Variants in DPP10 observed in about 807,000 individuals in gnomAD.
The protein encoded by DPP10 is dipeptidyl peptidase like 10.
DPP10 carries 33 observed loss-of-function variants against 120.9 expected under a neutral mutation model. That is an observed-to-expected ratio of 0.27 (90% CI 0.21 to 0.37). The LOEUF (loss-of-function observed/expected upper bound fraction) is 0.37, where lower values mean the gene tolerates loss of function less well. DPP10 is among the 10% of genes least tolerant of loss of function. DPP10 has a pLI of 1.00. For missense variants in DPP10, 816 were observed against 942.8 expected, an observed-to-expected ratio of 0.87 and a Z score of 1.76; for synonymous variants, 337 against 326.1, an observed-to-expected ratio of 1.03 and a Z score of -0.36.
intron 1 of DPP10, chr2:115,297,146 A>G (rs1366686610): frequency 5.9e-6 from 1 of 170,506 alleles, no homozygotes; most frequent in Non-Finnish European, 1.3e-5. Flanking sequence ...TGTGAGCAGC[A>G]TGAGCCTGTA....
chr2:115,288,678 T>A (rs1426233414), intron 1 of DPP10, among the ~76,000 whole-genome samples: 1 of 151,950 alleles, frequency 6.6e-6, no homozygotes, highest in African/African-American at 2.4e-5. Flanking sequence ...GCTGAGATCA[T>A]GCCACTGCAC....
intron 1 of DPP10, among the ~76,000 whole-genome samples, chr2:115,156,050 G>A (rs906766948): frequency 2.0e-5 from 3 of 152,194 alleles, no homozygotes; most frequent in African/African-American, 7.2e-5. Flanking sequence ...ATACAGATGT[G>A]TGACAGATTG....
intron 1 of DPP10, among the ~76,000 whole-genome samples, chr2:115,188,033 CAG>C (rs111670003): frequency 1.4e-5 from 2 of 142,804 alleles, no homozygotes; most frequent in African/African-American, 2.6e-5. Flanking sequence ...AACAGAGAGA[CAG>C]AGAGAGAGAG....
chr2:115,308,693 G>GTTTTTTTT (rs3068805), intron 1 of DPP10, among the ~76,000 whole-genome samples: 1 of 126,642 alleles, frequency 7.9e-6, no homozygotes. Context: ...ACTAAATCCT[G>GTTTTTTTT]TTTTTTTTTT....
chr2:115,406,773 T>C (rs1405045811), intron 3 of DPP10, among the ~76,000 whole-genome samples: 2 of 152,056 alleles, frequency 1.3e-5, no homozygotes, highest in East Asian at 3.9e-4. Flanking sequence ...CACTAGAGCT[T>C]TACAATATAT....
intron 1 of DPP10, among the ~76,000 whole-genome samples, chr2:114,468,943 A>AG (rs1364362776): frequency 6.6e-6 from 1 of 152,216 alleles, no homozygotes; most frequent in African/African-American, 2.4e-5. Context: ...AAGAAGAAGA[A>AG]GGGAAAAAAG....
Position 114,923,174 on chromosome 2 carries a change from A to AT in DPP10, c.61-386057dup, listed in dbSNP as rs368507814. ...TTTATAATTTTTTTTCCCATTCTGT[A>AT]TTTTTTTTCTTTTTTCTTTTTTTTT... is the stretch of plus-strand genomic sequence containing the variant. On this transcript the variant is annotated intron_variant, in intron 1 of 25. Coordinates refer to ENST00000410059, the MANE Select transcript of DPP10 (RefSeq NM_020868.6). Among the ~76,000 whole-genome samples, 1,467 of 147,864 alleles carry AT rather than the reference A, an allele frequency of 9.9e-3. 19 individuals carry two copies. Among genetic ancestry groups the AT allele is most frequent in the African/African-American group, 0.035 (1,414 of 40,194 alleles).
chr2:115,012,537 C>A (rs937245093), intron 1 of DPP10, among the ~76,000 whole-genome samples: 6 of 152,300 alleles, frequency 3.9e-5, no homozygotes, highest in Non-Finnish European at 8.8e-5. Flanking sequence ...CCAGTACCAG[C>A]CTGGAGCCCA....
intron 1 of DPP10, among the ~76,000 whole-genome samples, chr2:115,008,939 G>T: frequency 1.1e-5 from 1 of 91,812 alleles, no homozygotes; most frequent in East Asian, 3.3e-4. Context: ...ACAGGTGCTG[G>T]AGAGGATGTG....
chr2:115,244,239 T>TATATAGAGAGAGAG (rs1348001277), intron 1 of DPP10, among the ~76,000 whole-genome samples: 1 of 93,476 alleles, frequency 1.1e-5, no homozygotes, highest in African/African-American at 3.8e-5. Context: ...TATATATATA[T>TATATAGAGAGAGAG]AGAGAGAGAG....
intron 1 of DPP10, among the ~76,000 whole-genome samples, chr2:114,646,334 T>C (rs376384069): frequency 5.3e-5 from 8 of 151,854 alleles, no homozygotes; most frequent in African/African-American, 1.9e-4. Context: ...TGAGACAAAA[T>C]GAATGGAGAC....
intron 14 of DPP10, among the ~76,000 whole-genome samples, 169 bp downstream of exon 14, chr2:115,777,468 C>A (rs1682245619): frequency 6.6e-6 from 1 of 151,954 alleles, no homozygotes; most frequent in African/African-American, 2.4e-5. Flanking sequence ...AGACATCTTA[C>A]ACAGAGGGAT....
At chr2:115,032,192 G>GTA (rs1553474502) in intron 1 of DPP10, among the ~76,000 whole-genome samples, 2 of 150,452 alleles carry the variant, frequency 1.3e-5, no homozygotes, top group African/African-American at 4.9e-5. Context: ...AACTCTAGAA[G>GTA]TTTTTTTTTT....
chr2:115,307,217 A>C (rs1215272476), intron 1 of DPP10, among the ~76,000 whole-genome samples: 1 of 152,094 alleles, frequency 6.6e-6, no homozygotes, highest in East Asian at 1.9e-4. Flanking sequence ...TAATATATAT[A>C]AGCTATTATT....
chr2:115,537,032 T>G (rs1169214169), intron 5 of DPP10, among the ~76,000 whole-genome samples: 1 of 152,064 alleles, frequency 6.6e-6, no homozygotes, highest in Non-Finnish European at 1.5e-5. Context: ...TTGTAAAACA[T>G]AATGGAGTCA....
intron 1 of DPP10, among the ~76,000 whole-genome samples, chr2:115,269,206 T>A (rs1409870734): frequency 6.6e-6 from 1 of 152,180 alleles, no homozygotes; most frequent in African/African-American, 2.4e-5. Flanking sequence ...AAGCATTAAC[T>A]GGTTTAAAGC....
chr2:114,825,607 A>T (rs576777490), intron 1 of DPP10, among the ~76,000 whole-genome samples: 45 of 152,338 alleles, frequency 3.0e-4, no homozygotes, highest in African/African-American at 9.4e-4. Flanking sequence ...ATGCTCAATT[A>T]TATGTGCATA....
chr2:114,752,163 G>C (rs1434288877), intron 1 of DPP10, among the ~76,000 whole-genome samples: 1 of 152,150 alleles, frequency 6.6e-6, no homozygotes, highest in East Asian at 1.9e-4. Context: ...TTAGCCTGCT[G>C]CTCCCAACTG....
intron 1 of DPP10, among the ~76,000 whole-genome samples, chr2:114,513,578 A>G (rs1454345364): frequency 6.6e-6 from 1 of 151,172 alleles, no homozygotes; most frequent in Non-Finnish European, 1.5e-5. Flanking sequence ...ATATATCTGA[A>G]TATCTGAGGC....
Sources: allele counts gnomAD v4.1 joint callset (sites outside exome capture counted in the v4.1 genomes callset), GRCh38; gene constraint gnomAD v4.1.1; transcripts MANE v1.5; gene names NCBI Gene and HGNC (gene_info 2026-07-23, HGNC 2026-07-21).